FNBP1: variants seen among roughly 807,000 people sequenced by gnomAD.
FNBP1 encodes the protein formin binding protein 1.
Under a neutral mutation model 90.6 loss-of-function variants are expected in FNBP1, and 26 were observed. The ratio of observed to expected loss-of-function variants is 0.29; its 90% confidence interval spans 0.21 to 0.40. FNBP1 has a LOEUF of 0.40. FNBP1 is among the 10% of genes least tolerant of loss of function. FNBP1 has a pLI of 1.00. For missense variants in FNBP1, 635 were observed against 768.0 expected (o/e 0.83, Z 2.05); for synonymous variants, 260 against 265.2 (o/e 0.98, Z 0.19).
chr9:129,938,269 T>C (rs779695094), intron 6 of FNBP1, among the ~76,000 whole-genome samples: 1 of 152,124 alleles, frequency 6.6e-6, no homozygotes, highest in Non-Finnish European at 1.5e-5. Flanking sequence ...CAGAGCAAAG[T>C]TGTTGGATGA....
intron 1 of FNBP1, among the ~76,000 whole-genome samples, chr9:130,002,422 T>C (rs2055000620): frequency 1.3e-5 from 2 of 152,138 alleles, no homozygotes; most frequent in Non-Finnish European, 2.9e-5. Flanking sequence ...AGATCCTTCA[T>C]GAATACCTTG....
intron 8 of FNBP1, 88 bp downstream of exon 8, chr9:129,927,104 AGAT>A (rs1328345048): frequency 1.3e-5 from 17 of 1,301,794 alleles, no homozygotes; most frequent in Non-Finnish European, 1.7e-5. Flanking sequence ...ATCCACCATG[AGAT>A]GATGACATGA....
Position 129,966,696 on chromosome 9 carries a change from C to A in FNBP1, c.346-8143G>T, listed in dbSNP as rs2048689330. Among the ~76,000 whole-genome samples, 1 of 152,140 alleles carries A rather than the reference C, an allele frequency of 6.6e-6. No individual in the cohort carries two copies. Among genetic ancestry groups the A allele is most frequent in the African/African-American group, 2.4e-5 (1 of 41,440 alleles). ...GCAGTGAGCTGAGATCGCACCACTG[C>A]ATTCCAAGTCTGGGTGATGGAGCGA... On this transcript the variant is annotated intron_variant, in intron 4 of 16. Coordinates refer to ENST00000446176, the MANE Select transcript of FNBP1 (RefSeq NM_015033.3). This position sits in a 1 kb window ranked among gnomAD's most constrained non-coding sequence, Gnocchi z 4.3.
In FNBP1 at chr9:129,893,637, A is replaced by AAAAAAAAAG. The variant is rs56397008; in HGVS notation, c.1846+2200_1846+2201insCTTTTTTTT. ...CAAAAAAAAAAAAAAAAAAAAAAAA[A>AAAAAAAAAG]GCCAGGCACGGGCTCATGCCTGTAA... On this transcript the variant is annotated intron_variant, in intron 16 of 16. Transcript: ENST00000446176. Among the ~76,000 whole-genome samples the AAAAAAAAAG allele has an allele frequency of 3.9e-3, 242 of 62,226 alleles. 46 individuals carry two copies. The highest frequency in any genetic ancestry group is 0.012 in the South Asian group (14 of 1,204). 40.8% of individuals were successfully genotyped at this position (62,226 alleles called of 152,430 possible). A position where few individuals can be genotyped will look rare whatever the true frequency, so the allele number is the denominator to read the frequency against.
At chr9:130,005,366 G>A (rs1319533594) in intron 1 of FNBP1, among the ~76,000 whole-genome samples, 1 of 141,844 alleles carries the variant, frequency 7.1e-6, no homozygotes, top group Non-Finnish European at 1.5e-5. Context: ...TTTTGAGACG[G>A]AGTCTCGCTC....
the FNBP1 span, among the ~76,000 whole-genome samples, chr9:130,049,540 C>G: frequency 6.6e-6 from 1 of 151,802 alleles, no homozygotes; most frequent in East Asian, 1.9e-4. Flanking sequence ...ATGGCGAAAC[C>G]GTCTCCACAA....
At chr9:129,990,012 T>G (rs2052873671) in intron 2 of FNBP1, among the ~76,000 whole-genome samples, 2 of 149,428 alleles carry the variant, frequency 1.3e-5, no homozygotes, top group East Asian at 2.0e-4. Flanking sequence ...GGTGACAGAG[T>G]GAGACCCTGT....
intron 15 of FNBP1, among the ~76,000 whole-genome samples, chr9:129,899,207 A>G (rs141176314): frequency 0.029 from 4,369 of 151,518 alleles, 217 homozygotes; most frequent in African/African-American, 0.1. Context: ...CCTCCCGAGC[A>G]GCTGGGATTA....
chr9:130,012,227 A>G (rs1016821547), intron 1 of FNBP1, among the ~76,000 whole-genome samples: 1 of 152,244 alleles, frequency 6.6e-6, no homozygotes, highest in South Asian at 2.1e-4. Flanking sequence ...GGTATGCCAC[A>G]TGAAGCAAGT....
In FNBP1 at chr9:129,889,583, A is replaced by C. The variant is rs1457914073; in HGVS notation, c.*956T>G. The C allele has an allele frequency of 4.7e-6, 1 of 214,366 alleles. No individual in the cohort carries two copies. 13.3% of individuals were successfully genotyped at this position (214,366 alleles called of 1,614,324 possible). ...AGACTCCCGTCTCAAAAAAAAAAAA[A>C]AAACAACAACAAAAAAGGAAGTGCT... On this transcript the variant is annotated 3_prime_UTR_variant, in exon 17 of 17. Coordinates refer to ENST00000446176, the MANE Select transcript of FNBP1 (RefSeq NM_015033.3).
At chr9:129,938,034 CG>C (rs1276380513) in intron 6 of FNBP1, among the ~76,000 whole-genome samples, 2 of 151,886 alleles carry the variant, frequency 1.3e-5, no homozygotes, top group African/African-American at 4.8e-5. Flanking sequence ...TGTGGTGGTG[CG>C]TGCCTGTAGT....
At chr9:129,937,172 G>GA (rs1443139051) in intron 6 of FNBP1, among the ~76,000 whole-genome samples, 4 of 7,392 alleles carry the variant, frequency 5.4e-4, no homozygotes, top group South Asian at 0.011. Flanking sequence ...TCTGTCTCAA[G>GA]GGGGGGAAAA....
upstream of FNBP1, among the ~76,000 whole-genome samples, chr9:130,047,175 A>C (rs1407438378): frequency 1.3e-5 from 2 of 152,090 alleles, no homozygotes; most frequent in African/African-American, 2.4e-5. Flanking sequence ...AGCAAGACCC[A>C]GTCTCTAAAA....
chr9:129,965,708 GCACACA>G (rs5900877), intron 4 of FNBP1, among the ~76,000 whole-genome samples: 1 of 145,446 alleles, frequency 6.9e-6, no homozygotes, highest in African/African-American at 2.5e-5. Context: ...GCGCGCGCGC[GCACACA>G]CACACACACA....
In FNBP1 at chr9:130,031,815, T is replaced by C. The variant is rs2132164250; in HGVS notation, c.24+11137A>G. On this transcript the variant is annotated intron_variant, in intron 1 of 16. Transcript: ENST00000446176. The surrounding 1 kb of genome is among the most constrained non-coding windows in gnomAD (Gnocchi z 4.2). ...TAGCTGGGATTACAGGCGAGCGCCA[T>C]CATGCCTGGCTAAGTTTTTTGTATT... 6.6e-6 allele frequency among the ~76,000 whole-genome samples: 1 copy of C among 151,904 alleles called. No homozygotes were observed. Among genetic ancestry groups the C allele is most frequent in the Admixed American group, 6.6e-5 (1 of 15,238 alleles).
At chr9:130,048,176 G>T (rs2060071168), upstream of FNBP1, among the ~76,000 whole-genome samples, 1 of 151,048 alleles carries the variant, frequency 6.6e-6, no homozygotes, top group East Asian at 2.0e-4. Flanking sequence ...AAAAAAATTA[G>T]GTGTGGTGGT....
In FNBP1 at chr9:129,888,550, C is replaced by T. The variant is rs912997909; in HGVS notation, c.*1989G>A. On this transcript the variant is annotated 3_prime_UTR_variant, in exon 17 of 17. Coordinates refer to ENST00000446176, the MANE Select transcript of FNBP1 (RefSeq NM_015033.3). ...ACTGATGGGTGCACCACGCTTAGGTCACCCGTTGCAGGGACCGGAAGTCCA... is the reference window on the plus strand; with the variant it reads ...ACTGATGGGTGCACCACGCTTAGGTTACCCGTTGCAGGGACCGGAAGTCCA... 4.3e-6 allele frequency: 1 copy of T among 232,966 alleles called. No individual in the cohort carries two copies. Among genetic ancestry groups the T allele is most frequent in the African/African-American group, 2.2e-5 (1 of 45,350 alleles). The allele number at this position is 232,966 out of a possible 1,614,324, so 14.4% of individuals were successfully genotyped here. A position where few individuals can be genotyped will look rare whatever the true frequency, so the allele number is the denominator to read the frequency against.
intron 2 of FNBP1, among the ~76,000 whole-genome samples, chr9:129,989,596 G>A (rs1399942056): frequency 3.9e-5 from 6 of 152,302 alleles, no homozygotes; most frequent in African/African-American, 1.4e-4. Flanking sequence ...CTGAGAGGCT[G>A]CAGGAGACAA....
chr9:129,936,006 T>C (rs888498046), intron 6 of FNBP1, among the ~76,000 whole-genome samples: 1 of 152,172 alleles, frequency 6.6e-6, no homozygotes, highest in African/African-American at 2.4e-5. Flanking sequence ...GTCATTTGAA[T>C]GGAAGGGCAA....
Sources: gnomAD v4.1 joint callset for allele counts (sites outside exome capture counted in the v4.1 genomes callset) on GRCh38, gnomAD v4.1.1 for gene constraint, Gnocchi (gnomAD v3.1) non-coding constraint, MANE v1.5 for transcripts, NCBI Gene and HGNC (gene_info 2026-07-23, HGNC 2026-07-21) for gene names.